The following PTPRK variants were observed in gnomAD, a reference collection of about 807,000 sequenced individuals.
PTPRK encodes the protein receptor-type tyrosine-protein phosphatase kappa.
A neutral mutation model predicts 178.0 loss-of-function variants in PTPRK; 75 were observed. The ratio of observed to expected loss-of-function variants is 0.42; its 90% CI spans 0.35 to 0.51. The LOEUF (loss-of-function observed/expected upper bound fraction) is 0.51. Among genes scored for constraint, PTPRK ranks in the 20% least tolerant of loss-of-function variants. PTPRK has a pLI of 0.02. For missense variants in PTPRK, 1,441 were observed against 1,797.8 expected, an observed-to-expected ratio of 0.80 and a Z score of 3.59; for synonymous variants, 637 against 620.6, an observed-to-expected ratio of 1.03 and a Z score of -0.39.
Position 128,079,177 on chromosome 6 carries a change from G to T in PTPRK, c.1778-259C>A, listed in dbSNP as rs551730279. ...ATGACACACATTCCAAATATTTTGT[G>T]AAGATGCTTTCCTTTTAGTTTCCTG... On this transcript the variant is annotated intron_variant, in intron 10 of 29. Transcript: ENST00000368226. Among the ~76,000 whole-genome samples, 44 of 151,512 alleles carry T rather than the reference G, an allele frequency of 2.9e-4. No individual in the cohort carries two copies. In the South Asian group the frequency reaches 7.0e-3, roughly 24 times the overall value.
chr6:128,159,853 G>C (rs1798448267), intron 7 of PTPRK, among the ~76,000 whole-genome samples: 1 of 151,574 alleles, frequency 6.6e-6, no homozygotes, highest in Non-Finnish European at 1.5e-5. Flanking sequence ...TCAAAACAGA[G>C]AGGAATACAG....
At chr6:128,082,936 C>A (rs1785081765) in intron 9 of PTPRK, among the ~76,000 whole-genome samples, 2 of 151,930 alleles carry the variant, frequency 1.3e-5, no homozygotes, top group African/African-American at 4.8e-5. Context: ...ATCTTATAGC[C>A]ATATACTTTA....
At chr6:128,122,348 T>C (rs1432629304) in intron 7 of PTPRK, among the ~76,000 whole-genome samples, 2 of 152,014 alleles carry the variant, frequency 1.3e-5, no homozygotes, top group African/African-American at 4.8e-5. Flanking sequence ...ATAGAGAAGA[T>C]AAGAGTATAT....
At chr6:128,315,008 AAAACAAAC>A (rs59091717) in intron 3 of PTPRK, among the ~76,000 whole-genome samples, 8 of 151,506 alleles carry the variant, frequency 5.3e-5, no homozygotes, top group East Asian at 3.9e-4. Flanking sequence ...ATGAAAGAAA[AAAACAAAC>A]AAACAAACAA....
chr6:128,496,373 G>A (rs752387162), intron 1 of PTPRK, among the ~76,000 whole-genome samples: 33 of 152,112 alleles, frequency 2.2e-4, no homozygotes, highest in Non-Finnish European at 4.0e-4. Flanking sequence ...AATAATAATT[G>A]TAAAATTCCA....
chr6:128,475,253 T>C (rs1304596032), intron 1 of PTPRK, among the ~76,000 whole-genome samples: 1 of 152,052 alleles, frequency 6.6e-6, no homozygotes, highest in Non-Finnish European at 1.5e-5. Flanking sequence ...CTGTTTGGAT[T>C]ATACAATATA....
At chr6:128,139,788 G>A (rs559223422) in intron 7 of PTPRK, among the ~76,000 whole-genome samples, 27 of 152,098 alleles carry the variant, frequency 1.8e-4, no homozygotes, top group Admixed American at 4.6e-4. Flanking sequence ...AATAGACTCT[G>A]TTCTACTTCT....
At chr6:128,019,914 G>C (rs1219253507) in intron 13 of PTPRK, among the ~76,000 whole-genome samples, 7 of 152,090 alleles carry the variant, frequency 4.6e-5, no homozygotes, top group Non-Finnish European at 8.8e-5. Flanking sequence ...TTTTTAAGTT[G>C]AGGAACTGTA....
At chr6:128,205,237 A>AAT (rs1806708414) in intron 6 of PTPRK, among the ~76,000 whole-genome samples, 1 of 152,112 alleles carries the variant, frequency 6.6e-6, no homozygotes, top group Non-Finnish European at 1.5e-5. Flanking sequence ...CATGGAGGGG[A>AAT]ACAACACACA....
At chr6:128,300,923 C>A (rs1825497500) in intron 3 of PTPRK, among the ~76,000 whole-genome samples, 1 of 151,864 alleles carries the variant, frequency 6.6e-6, no homozygotes, top group Admixed American at 6.6e-5. Context: ...AACATACACA[C>A]CCCACCCCCA....
At chr6:128,452,100 C>T (rs1323769335) in intron 1 of PTPRK, among the ~76,000 whole-genome samples, 3 of 152,168 alleles carry the variant, frequency 2.0e-5, no homozygotes, top group Non-Finnish European at 4.4e-5. Context: ...GGCCACATGG[C>T]AGCTTGAGCC....
At chr6:128,165,511 C>A (rs1799272282) in intron 7 of PTPRK, among the ~76,000 whole-genome samples, 1 of 151,012 alleles carries the variant, frequency 6.6e-6, no homozygotes, top group Admixed American at 6.6e-5. Context: ...TTTTGGTAAG[C>A]CTGCATCCCT....
chr6:128,135,078 T>TCACACACACACACACACACACACACACA (rs34254716), intron 7 of PTPRK, among the ~76,000 whole-genome samples: 1 of 136,276 alleles, frequency 7.3e-6, no homozygotes, highest in East Asian at 2.2e-4. Flanking sequence ...AATCATTCAA[T>TCACACACACACACACACACACACACACA]CACACACACA....
intron 1 of PTPRK, among the ~76,000 whole-genome samples, chr6:128,432,745 A>AACACACACACACACACAC (rs4053237): frequency 4.9e-4 from 72 of 146,352 alleles, no homozygotes; most frequent in African/African-American, 1.7e-3. Context: ...TGTGTTCACA[A>AACACACACACACACACAC]ACACACACAC....
At chr6:128,463,107 T>A (rs193086736) in intron 1 of PTPRK, among the ~76,000 whole-genome samples, 6 of 152,320 alleles carry the variant, frequency 3.9e-5, no homozygotes, top group African/African-American at 1.2e-4. Context: ...AATAAATGCC[T>A]GTCCTCAATA....
At chr6:128,461,908 C>T (rs1849095053) in intron 1 of PTPRK, among the ~76,000 whole-genome samples, 1 of 152,200 alleles carries the variant, frequency 6.6e-6, no homozygotes, top group African/African-American at 2.4e-5. Flanking sequence ...TTTATCAGTG[C>T]ATCATTGATG....
intron 1 of PTPRK, among the ~76,000 whole-genome samples, chr6:128,514,749 G>A (rs868014958): frequency 1.5e-4 from 23 of 152,070 alleles, no homozygotes; most frequent in Admixed American, 1.0e-3. Context: ...GTTAAGTGGG[G>A]AAATGGCAAT....
chr6:128,421,032 A>G (rs1490772809), intron 1 of PTPRK, among the ~76,000 whole-genome samples: 1 of 152,170 alleles, frequency 6.6e-6, no homozygotes, highest in Admixed American at 6.5e-5. Context: ...TCTTTCCTAC[A>G]TTAGCTTCTA....
intron 6 of PTPRK, among the ~76,000 whole-genome samples, chr6:128,204,843 A>G (rs1806634555): frequency 6.6e-6 from 1 of 152,220 alleles, no homozygotes; most frequent in African/African-American, 2.4e-5. Context: ...ACCCTTGCGG[A>G]AGACAGTGTG....
Sources: gnomAD v4.1 joint callset for allele counts (sites outside exome capture counted in the v4.1 genomes callset) on GRCh38, gnomAD v4.1.1 for gene constraint, MANE v1.5 for transcripts, NCBI Gene and HGNC (gene_info 2026-07-23, HGNC 2026-07-21) for gene names.